Variants in FILIP1L observed in about 807,000 individuals in gnomAD.
The protein encoded by FILIP1L is filamin A-interacting protein 1-like.
Under a neutral mutation model 96.6 loss-of-function variants are expected in FILIP1L, and 55 were observed. The observed-to-expected ratio is 0.57, with a 90% confidence interval of 0.46 to 0.71. The LOEUF is 0.71. Ranked by LOEUF, FILIP1L falls within the 30% of genes least tolerant of loss-of-function variation. The pLI, the probability that FILIP1L is intolerant of heterozygous loss-of-function variation, is 0.00. For missense variants in FILIP1L, 1,304 were observed against 1,321.2 expected, an observed-to-expected ratio of 0.99 and a Z score of 0.20; for synonymous variants, 467 against 473.9, an observed-to-expected ratio of 0.99 and a Z score of 0.19.
chr3:99,870,397 C>A (rs1218278333), intron 4 of FILIP1L, among the ~76,000 whole-genome samples: 1 of 152,198 alleles, frequency 6.6e-6, no homozygotes, highest in Non-Finnish European at 1.5e-5. Context: ...CATTCTCCCA[C>A]ATTGTTTATC....
At chr3:99,870,961 A>G (rs1476936460) in intron 4 of FILIP1L, among the ~76,000 whole-genome samples, 1 of 152,146 alleles carries the variant, frequency 6.6e-6, no homozygotes, top group Non-Finnish European at 1.5e-5. Flanking sequence ...CTTGAAGGCC[A>G]TTCCATGCCC....
At chr3:99,848,119 AGGCAACAGTTAGTTTCAGATACTC>A in intron 5 of FILIP1L, 152 bp downstream of exon 5, 2 of 1,465,826 alleles carry the variant, frequency 1.4e-6, no homozygotes. Context: ...ATGACTATGC[AGGCAACAGTTAGTTTCAGATACTC>A]TTGTATAGTT....
intron 3 of FILIP1L, chr3:99,925,921 A>G (rs989359380): frequency 8.2e-6 from 8 of 979,584 alleles, no homozygotes; most frequent in Non-Finnish European, 9.7e-6. Context: ...CTGCCACCAG[A>G]AAAACATGTT....
intron 1 of FILIP1L, among the ~76,000 whole-genome samples, chr3:100,033,732 T>G (rs958196879): frequency 6.6e-6 from 1 of 152,196 alleles, no homozygotes. Flanking sequence ...AAACCTGATA[T>G]ATTGAAAATA....
At chr3:100,067,414 C>G (rs1019345982) in intron 1 of FILIP1L, among the ~76,000 whole-genome samples, 87 of 152,248 alleles carry the variant, frequency 5.7e-4, no homozygotes, top group African/African-American at 2.1e-3. Flanking sequence ...AAGGTGGAGG[C>G]TTTTGGAATG....
At chr3:100,097,485 G>A (rs1482215923) in intron 1 of FILIP1L, among the ~76,000 whole-genome samples, 3 of 152,090 alleles carry the variant, frequency 2.0e-5, no homozygotes, top group Non-Finnish European at 4.4e-5. Flanking sequence ...GGGACAACCC[G>A]GTATTCTAAT....
At chr3:100,086,196 G>A (rs2066005825) in intron 1 of FILIP1L, among the ~76,000 whole-genome samples, 1 of 152,180 alleles carries the variant, frequency 6.6e-6, no homozygotes, top group Non-Finnish European at 1.5e-5. Flanking sequence ...TCTTTGACCT[G>A]CCATGGGCTG....
At chr3:100,110,310 T>C (rs2066469202) in intron 1 of FILIP1L, among the ~76,000 whole-genome samples, 1 of 152,000 alleles carries the variant, frequency 6.6e-6, no homozygotes, top group South Asian at 2.1e-4. Flanking sequence ...AACCTGTCAG[T>C]TTAATATCAT....
chr3:100,100,478 T>A (rs1227483689), intron 1 of FILIP1L, among the ~76,000 whole-genome samples: 1 of 152,102 alleles, frequency 6.6e-6, no homozygotes, highest in East Asian at 1.9e-4. Context: ...GCATTTAAGA[T>A]TACACAGCAA....
At chr3:99,959,277 G>A (rs934037276) in intron 1 of FILIP1L, among the ~76,000 whole-genome samples, 1 of 152,136 alleles carries the variant, frequency 6.6e-6, no homozygotes, top group Non-Finnish European at 1.5e-5. Flanking sequence ...AGCCTCCTGA[G>A]TAGTTGGGAT....
At chr3:100,085,753 C>T (rs1019761523) in intron 1 of FILIP1L, among the ~76,000 whole-genome samples, 3 of 152,290 alleles carry the variant, frequency 2.0e-5, no homozygotes, top group East Asian at 1.9e-4. Context: ...GAGCTATGCA[C>T]GTGGATGATG....
intron 5 of FILIP1L, among the ~76,000 whole-genome samples, chr3:99,832,693 C>G (rs1447223857): frequency 7.0e-6 from 1 of 143,380 alleles, no homozygotes; most frequent in Non-Finnish European, 1.5e-5. Context: ...AAATACAAAA[C>G]AGCCGGGCGT....
chr3:99,846,229 C>T (rs780214846), intron 5 of FILIP1L, among the ~76,000 whole-genome samples: 1 of 152,190 alleles, frequency 6.6e-6, no homozygotes, highest in African/African-American at 2.4e-5. Context: ...TTATCTCTGC[C>T]TCTTTATCTG....
chr3:100,050,596 A>G (rs979526167), intron 1 of FILIP1L, among the ~76,000 whole-genome samples: 2 of 152,074 alleles, frequency 1.3e-5, no homozygotes, highest in Non-Finnish European at 2.9e-5. Flanking sequence ...CAGTGGTACA[A>G]TCTCTGCTCA....
intron 1 of FILIP1L, among the ~76,000 whole-genome samples, chr3:100,006,687 A>G (rs1247723364): frequency 6.6e-6 from 1 of 151,774 alleles, no homozygotes. Context: ...CTTGGGTTGC[A>G]CTCAGCCCTT....
intron 1 of FILIP1L, among the ~76,000 whole-genome samples, chr3:100,059,433 A>T (rs1392322950): frequency 6.6e-6 from 1 of 151,760 alleles, no homozygotes; most frequent in African/African-American, 2.4e-5. Context: ...CTGCTTCTTC[A>T]CTCTAGCCTT....
chr3:99,925,719 T>C (rs745310710), intron 3 of FILIP1L: 42 of 243,836 alleles, frequency 1.7e-4, no homozygotes, highest in Non-Finnish European at 2.3e-4. Flanking sequence ...ACCAAGGACA[T>C]GAGGAGCTCT....
intron 1 of FILIP1L, among the ~76,000 whole-genome samples, chr3:100,020,499 G>A (rs747867791): frequency 1.7e-4 from 26 of 152,152 alleles, no homozygotes; most frequent in Admixed American, 2.6e-4. Context: ...CGTTTTGAAG[G>A]CCTCAGGTAG....
At chr3:99,836,512 T>C (rs1437654867) in intron 5 of FILIP1L, among the ~76,000 whole-genome samples, 3 of 152,170 alleles carry the variant, frequency 2.0e-5, no homozygotes, top group Non-Finnish European at 4.4e-5. Context: ...ACTACTCAAG[T>C]GCCTGAGACA....
Sources: gnomAD v4.1 joint callset for allele counts (sites outside exome capture counted in the v4.1 genomes callset) on GRCh38, gnomAD v4.1.1 for gene constraint, MANE v1.5 for transcripts, NCBI Gene and HGNC (gene_info 2026-07-23, HGNC 2026-07-21) for gene names.